GRAMD1B: variants seen among roughly 807,000 people sequenced by gnomAD.
The protein encoded by GRAMD1B is GRAM domain containing 1B.
In GRAMD1B, 37 loss-of-function variants were observed where a neutral mutation model predicts 99.7. The ratio of observed to expected loss-of-function variants is 0.37; its 90% CI spans 0.29 to 0.49. The LOEUF (loss-of-function observed/expected upper bound fraction) is 0.49, where lower values mean the gene tolerates loss of function less well. Ranked by LOEUF, GRAMD1B falls within the 20% of genes least tolerant of loss-of-function variation. The pLI is 0.98. For synonymous variants in GRAMD1B, 427 were observed against 387.6 expected (o/e 1.10, Z -1.19); for missense variants, 888 against 1,009.2 (o/e 0.88, Z 1.63).
chr11:123,371,674 C>T (rs557999993), intron 1 of GRAMD1B, among the ~76,000 whole-genome samples: 1 of 152,186 alleles, frequency 6.6e-6, no homozygotes, highest in Admixed American at 6.5e-5. Context: ...AGTGTTGTCA[C>T]CAGGTGCCAG....
chr11:123,368,275 A>AAAAAAGAAAG (rs60644137), intron 1 of GRAMD1B, among the ~76,000 whole-genome samples: 12 of 127,146 alleles, frequency 9.4e-5, no homozygotes, highest in African/African-American at 4.0e-4. Context: ...AAAAAAAAAA[A>AAAAAAGAAAG]AAAGAAAGAA....
At chr11:123,380,746 T>C (rs1033157214) in intron 1 of GRAMD1B, among the ~76,000 whole-genome samples, 2 of 152,136 alleles carry the variant, frequency 1.3e-5, no homozygotes, top group Admixed American at 1.3e-4. Flanking sequence ...TTTCAGATGG[T>C]GATTTTTGGT....
At chr11:123,586,664 A>C (rs1374381149) in intron 4 of GRAMD1B, among the ~76,000 whole-genome samples, 1 of 152,138 alleles carries the variant, frequency 6.6e-6, no homozygotes, top group Non-Finnish European at 1.5e-5. Context: ...ACCCCTCCAC[A>C]GCTGTCATCT....
chr11:123,436,532 A>G (rs1949166905), intron 1 of GRAMD1B, among the ~76,000 whole-genome samples: 1 of 152,216 alleles, frequency 6.6e-6, no homozygotes, highest in Admixed American at 6.5e-5. Flanking sequence ...TCCTATATGC[A>G]GAGCGCTTCC....
At chr11:123,468,826 G>T (rs1256970436) in intron 1 of GRAMD1B, among the ~76,000 whole-genome samples, 1 of 151,534 alleles carries the variant, frequency 6.6e-6, no homozygotes, top group East Asian at 1.9e-4. Flanking sequence ...GTAGTGCAGG[G>T]TGATATAGGA....
In GRAMD1B at chr11:123,614,821, G is replaced by C. The variant is rs749064743; in HGVS notation, c.2304G>C (p.Leu768=). 4 of 1,605,038 alleles carry C rather than the reference G, an allele frequency of 2.5e-6. No homozygotes were observed. The African/African-American group carries it at 5.4e-5, about 21-fold the overall frequency. Reference sequence around the variant, plus strand: ...TGCAGAGCGTGTCCAAGCTGCTGCTGGTTATCAGCTGTGTGTAAGGGATTC... The same window carrying C: ...TGCAGAGCGTGTCCAAGCTGCTGCTCGTTATCAGCTGTGTGTAAGGGATTC... The part of the protein sequence containing the change: ...FHLQSVSKLL[L]VISCVLVLLV... Residue 768 remains leucine, a synonymous_variant, in exon 17 of 20, where the codon CTG becomes CTC. Transcript: ENST00000635736.
intron 1 of GRAMD1B, chr11:123,435,307 G>T: frequency 3.1e-6 from 2 of 643,046 alleles, no homozygotes; most frequent in Non-Finnish European, 2.8e-6. Flanking sequence ...GAAATTCAGC[G>T]TGATGTGGTA....
At chr11:123,557,809 T>C (rs1196151933) in intron 2 of GRAMD1B, among the ~76,000 whole-genome samples, 1 of 152,170 alleles carries the variant, frequency 6.6e-6, no homozygotes, top group Non-Finnish European at 1.5e-5. Context: ...TAAGCCCATA[T>C]ACAGCTGTAC....
At position 123,438,500 on chromosome 11, in the gene GRAMD1B, C is replaced by T. The variant is rs549705859; in HGVS notation, c.374+7334C>T. Among the ~76,000 whole-genome samples, 8 of 152,174 alleles carry T rather than the reference C, an allele frequency of 5.3e-5. 1 individual carries two copies. The highest frequency in any genetic ancestry group is 4.2e-4 in the South Asian group (2 of 4,804). ...AGAGGTGTGAGGATGACCCTGTTGA[C>T]GGTCTAGGTGGACTCCTCCGTGAGA... On this transcript the variant is annotated intron_variant, in intron 1 of 19. Transcript: ENST00000635736.
At chr11:123,446,950 G>A (rs1206032524) in intron 1 of GRAMD1B, among the ~76,000 whole-genome samples, 1 of 151,878 alleles carries the variant, frequency 6.6e-6, no homozygotes, top group Non-Finnish European at 1.5e-5. Context: ...AAAAAGAAAG[G>A]GAGAAAGAGA....
intron 1 of GRAMD1B, among the ~76,000 whole-genome samples, chr11:123,419,045 A>G (rs773304232): frequency 2.6e-4 from 40 of 152,334 alleles, no homozygotes; most frequent in South Asian, 1.0e-3. Context: ...GACGTGGGTA[A>G]ACTGCTTTGA....
chr11:123,378,200 G>A (rs1303572726), intron 1 of GRAMD1B, among the ~76,000 whole-genome samples: 3 of 152,190 alleles, frequency 2.0e-5, no homozygotes, highest in Admixed American at 2.0e-4. Context: ...CCAAGACCGT[G>A]GAATTAGTAA....
chr11:123,436,927 T>C (rs2714054), intron 1 of GRAMD1B, among the ~76,000 whole-genome samples: 82,306 of 151,786 alleles, frequency 0.54, 22,670 homozygotes, highest in East Asian at 0.73. Context: ...CAACAGGCCC[T>C]GGTGTGTGAT....
chr11:123,609,801 T>C lies in GRAMD1B; in HGVS notation c.1664T>C (p.Ile555Thr). ...GGCTCTCCTCTACCCTTAGATATCATCTTCCATCCATGGAAAAAGGAGGAG... is the reference window on the plus strand; with the variant it reads ...GGCTCTCCTCTACCCTTAGATATCACCTTCCATCCATGGAAAAAGGAGGAG... The part of the protein sequence containing the change: ...FMEQRRFSDI[I>T]FHPWKKEENG... The change falls in exon 13 of 20, where the codon ATC becomes ACC. Residue 555 changes from isoleucine (I) to threonine (T), a missense_variant. Ile to Thr is a moderately conservative substitution (Grantham distance 89). Around this residue, in one of 5 missense-constraint regions of GRAMD1B, gnomAD observed 269 missense variants for 296.6 expected, o/e 0.91. Coordinates refer to ENST00000635736, the MANE Select transcript of GRAMD1B (RefSeq NM_001387025.1). The C allele has an allele frequency of 6.4e-7, 1 of 1,559,684 alleles. No homozygotes were observed. The highest frequency in any genetic ancestry group is 8.8e-7 in the Non-Finnish European group (1 of 1,138,518).
At chr11:123,600,653 G>A (rs1366625143) in intron 8 of GRAMD1B, 105 bp downstream of exon 8, 10 of 693,972 alleles carry the variant, frequency 1.4e-5, no homozygotes, top group Non-Finnish European at 2.5e-5. Flanking sequence ...TTCTCCCACT[G>A]ATGGTATTGG....
chr11:123,606,312 A>G (rs904887660), intron 10 of GRAMD1B, among the ~76,000 whole-genome samples: 1 of 152,228 alleles, frequency 6.6e-6, no homozygotes, highest in African/African-American at 2.4e-5. Context: ...TTGTTGCAGG[A>G]TGGTGCAGGT....
intron 1 of GRAMD1B, among the ~76,000 whole-genome samples, chr11:123,402,484 G>A (rs959534474): frequency 7.9e-5 from 12 of 152,070 alleles, no homozygotes; most frequent in African/African-American, 2.4e-4. Context: ...AACTCCGAGG[G>A]GCTGTTTCAT....
intron 2 of GRAMD1B, among the ~76,000 whole-genome samples, chr11:123,552,346 T>C (rs1388442253): frequency 6.7e-6 from 1 of 149,862 alleles, no homozygotes; most frequent in Admixed American, 6.8e-5. Flanking sequence ...GGCTGGAGTG[T>C]AGTGGCAGAA....
At chr11:123,524,861 G>T (rs1372290697) in intron 2 of GRAMD1B, among the ~76,000 whole-genome samples, 1 of 152,150 alleles carries the variant, frequency 6.6e-6, no homozygotes, top group Non-Finnish European at 1.5e-5. Flanking sequence ...TCACCCATCC[G>T]CATTACTGAC....
Sources: allele counts gnomAD v4.1 joint callset (sites outside exome capture counted in the v4.1 genomes callset), GRCh38; gene constraint gnomAD v4.1.1; regional missense constraint gnomAD v4.1.1; transcripts MANE v1.5; gene names NCBI Gene and HGNC (gene_info 2026-07-23, HGNC 2026-07-21).